The following ZNF385D variants were observed in gnomAD, a reference collection of about 807,000 sequenced individuals.
The protein encoded by ZNF385D is zinc finger protein 385D, also known as zinc finger protein 659.
Under a neutral mutation model 35.8 loss-of-function variants are expected in ZNF385D, and 15 were observed. That is an observed-to-expected ratio of 0.42 (90% CI 0.28 to 0.64). The LOEUF is 0.64. ZNF385D is among the 30% of genes least tolerant of loss of function. The pLI, the probability that ZNF385D is intolerant of heterozygous loss-of-function variation, is 0.23. For synonymous variants in ZNF385D, 212 were observed against 186.8 expected, an observed-to-expected ratio of 1.13 and a Z score of -1.10; for missense variants, 474 against 494.6, an observed-to-expected ratio of 0.96 and a Z score of 0.39.
At chr3:22,232,908 C>A (rs1177139010) in intron 2 of ZNF385D, among the ~76,000 whole-genome samples, 1 of 152,120 alleles carries the variant, frequency 6.6e-6, no homozygotes, top group African/African-American at 2.4e-5. Flanking sequence ...TCACTGGATT[C>A]TCTTTTTAGT....
At chr3:21,880,655 A>G (rs1698230363) in intron 3 of ZNF385D, among the ~76,000 whole-genome samples, 1 of 152,050 alleles carries the variant, frequency 6.6e-6, no homozygotes. Context: ...AATGAAAAGA[A>G]GATTTGCACA....
At chr3:21,923,839 G>A (rs562320556) in intron 3 of ZNF385D, among the ~76,000 whole-genome samples, 1 of 152,194 alleles carries the variant, frequency 6.6e-6, no homozygotes, top group Non-Finnish European at 1.5e-5. Context: ...TACTAGAAGG[G>A]GGAGGGAGGG....
chr3:21,973,210 C>A (rs1402144675), intron 3 of ZNF385D, among the ~76,000 whole-genome samples: 1 of 151,852 alleles, frequency 6.6e-6, no homozygotes, highest in African/African-American at 2.4e-5. Flanking sequence ...TTAAAAAAAT[C>A]ATTCATCATG....
chr3:21,743,006 AT>A (rs1312747376), intron 1 of ZNF385D, among the ~76,000 whole-genome samples: 1 of 152,224 alleles, frequency 6.6e-6, no homozygotes, highest in African/African-American at 2.4e-5. Context: ...TGTATAGCAT[AT>A]TTTAGTTCTC....
At chr3:21,484,831 C>A (rs1704912762) in intron 4 of ZNF385D, among the ~76,000 whole-genome samples, 1 of 152,174 alleles carries the variant, frequency 6.6e-6, no homozygotes, top group African/African-American at 2.4e-5. Context: ...AAAGAGCAGA[C>A]TTGTCTTGGG....
intron 4 of ZNF385D, among the ~76,000 whole-genome samples, chr3:21,473,847 C>T (rs528863549): frequency 3.8e-4 from 58 of 152,124 alleles, no homozygotes; most frequent in South Asian, 1.5e-3. Context: ...CTAATTTAGA[C>T]GCTCACCCAT....
At chr3:21,650,813 G>A (rs2065888283) in intron 2 of ZNF385D, among the ~76,000 whole-genome samples, 1 of 152,068 alleles carries the variant, frequency 6.6e-6, no homozygotes, top group East Asian at 1.9e-4. Flanking sequence ...AGTGTGTTTG[G>A]CCTTAAATAG....
chr3:22,179,946 C>G (rs1038291791), intron 2 of ZNF385D, among the ~76,000 whole-genome samples: 1 of 152,104 alleles, frequency 6.6e-6, no homozygotes, highest in African/African-American at 2.4e-5. Flanking sequence ...CAGAGCAGAA[C>G]TGAAGGAAAC....
chr3:21,824,313 CT>C (rs1228895696), intron 3 of ZNF385D, among the ~76,000 whole-genome samples: 6 of 152,134 alleles, frequency 3.9e-5, no homozygotes, highest in African/African-American at 1.4e-4. Flanking sequence ...AGTAATGGTG[CT>C]TTTTATAAAA....
At chr3:22,228,660 G>A (rs896348950) in intron 2 of ZNF385D, among the ~76,000 whole-genome samples, 5 of 152,166 alleles carry the variant, frequency 3.3e-5, no homozygotes, top group African/African-American at 1.2e-4. Context: ...TATTGTTCCT[G>A]GGTGGGTCTG....
At chr3:21,858,401 C>T (rs1696855225) in intron 3 of ZNF385D, among the ~76,000 whole-genome samples, 1 of 151,648 alleles carries the variant, frequency 6.6e-6, no homozygotes, top group African/African-American at 2.4e-5. Context: ...TCCCCCCTAC[C>T]CCCAGATTCA....
chr3:21,931,079 G>A (rs541233821), intron 3 of ZNF385D, among the ~76,000 whole-genome samples: 171 of 151,898 alleles, frequency 1.1e-3, no homozygotes, highest in Non-Finnish European at 1.7e-3. Context: ...CTAGTACCCA[G>A]AATATATAAA....
At chr3:21,492,239 T>C (rs1034260706) in intron 4 of ZNF385D, among the ~76,000 whole-genome samples, 1 of 152,072 alleles carries the variant, frequency 6.6e-6, no homozygotes, top group Admixed American at 6.6e-5. Flanking sequence ...TTTTAAGTAA[T>C]GACAAATATT....
At chr3:22,090,164 C>T (rs1031732749) in intron 3 of ZNF385D, among the ~76,000 whole-genome samples, 1 of 152,106 alleles carries the variant, frequency 6.6e-6, no homozygotes, top group Non-Finnish European at 1.5e-5. Context: ...TTATGGTAAA[C>T]TTTTCCAGTT....
rs1291512248 is a variant in ZNF385D, at chr3:21,427,331, G to A, written c.674-1661C>T. Among the ~76,000 whole-genome samples, 9 of 152,148 alleles carry A rather than the reference G, an allele frequency of 5.9e-5. No individual in the cohort carries two copies. The South Asian group carries it at 1.7e-3, about 28-fold the overall frequency. ...GACACTGAGAAGCATTATTAGTAGG[G>A]CTAGTTTAGTTTATGAATGCCTAAG... On this transcript the variant is annotated intron_variant, in intron 5 of 7. Coordinates refer to ENST00000281523, the MANE Select transcript of ZNF385D (RefSeq NM_024697.3).
At chr3:22,261,151 A>G (rs1700609006) in intron 2 of ZNF385D, among the ~76,000 whole-genome samples, 1 of 151,842 alleles carries the variant, frequency 6.6e-6, no homozygotes, top group Admixed American at 6.6e-5. Flanking sequence ...CTTTCTACTC[A>G]TCTACTTATA....
chr3:21,808,752 G>A (rs1399767595), intron 3 of ZNF385D, among the ~76,000 whole-genome samples: 2 of 152,182 alleles, frequency 1.3e-5, no homozygotes, highest in Non-Finnish European at 2.9e-5. Context: ...AGTGTTCAGA[G>A]TCCCAGGGGA....
chr3:22,366,261 A>G (rs1380033722), intron 2 of ZNF385D, among the ~76,000 whole-genome samples: 2 of 152,090 alleles, frequency 1.3e-5, no homozygotes, highest in African/African-American at 2.4e-5. Context: ...CAAGTACTCA[A>G]TACTAATAAG....
chr3:22,094,326 C>T (rs1055349905), intron 3 of ZNF385D, among the ~76,000 whole-genome samples: 7 of 109,182 alleles, frequency 6.4e-5, no homozygotes, highest in Admixed American at 1.9e-4. Flanking sequence ...AAGTTGTACC[C>T]TTTTTTTTCT....
Sources: allele counts gnomAD v4.1 joint callset (sites outside exome capture counted in the v4.1 genomes callset), GRCh38; gene constraint gnomAD v4.1.1; transcripts MANE v1.5; gene names NCBI Gene and HGNC (gene_info 2026-07-23, HGNC 2026-07-21).